The following CNTN6 variants were observed in gnomAD, a reference collection of about 807,000 sequenced individuals.
CNTN6 encodes contactin-6.
A neutral mutation model predicts 122.8 loss-of-function variants in CNTN6; 137 were observed. That is an observed-to-expected ratio of 1.12 (90% CI 0.97 to 1.29). The LOEUF is 1.29. CNTN6 is among the 50% of genes most tolerant of loss of function. CNTN6 has a pLI of 0.00. For synonymous variants in CNTN6, 570 were observed against 426.0 expected (o/e 1.34, Z -4.16); for missense variants, 1,634 against 1,223.4 (o/e 1.34, Z -5.01).
At chr3:1,248,692 C>T (rs963058706) in intron 4 of CNTN6, among the ~76,000 whole-genome samples, 4 of 151,792 alleles carry the variant, frequency 2.6e-5, no homozygotes, top group Admixed American at 6.6e-5. Flanking sequence ...TGGTGGTGGG[C>T]GCCTGTAATC....
At chr3:1,364,057 T>C (rs564717977) in intron 12 of CNTN6, among the ~76,000 whole-genome samples, 2 of 151,956 alleles carry the variant, frequency 1.3e-5, no homozygotes, top group Non-Finnish European at 2.9e-5. Context: ...TATGTCTTCT[T>C]TGGAAAACTG....
At chr3:1,368,572 G>C (rs984891729) in intron 12 of CNTN6, among the ~76,000 whole-genome samples, 1 of 152,092 alleles carries the variant, frequency 6.6e-6, no homozygotes, top group Non-Finnish European at 1.5e-5. Context: ...TTTGCCAGGA[G>C]TGACTGATGT....
chr3:1,098,069 A>C (rs9881396), intron 1 of CNTN6, among the ~76,000 whole-genome samples: 26,700 of 148,780 alleles, frequency 0.18, 4,945 homozygotes, highest in African/African-American at 0.47. Flanking sequence ...GCAATTGGAC[A>C]TGATCAAGAA....
intron 1 of CNTN6, among the ~76,000 whole-genome samples, chr3:1,114,477 T>C (rs974310727): frequency 6.6e-6 from 1 of 152,202 alleles, no homozygotes; most frequent in African/African-American, 2.4e-5. Context: ...CCAGCAGATA[T>C]TTAGCAGCTT....
chr3:1,181,909 C>G (rs908627897), intron 2 of CNTN6, among the ~76,000 whole-genome samples: 1 of 152,050 alleles, frequency 6.6e-6, no homozygotes, highest in Non-Finnish European at 1.5e-5. Flanking sequence ...TCCATACACT[C>G]CATCATAAAA....
intron 1 of CNTN6, among the ~76,000 whole-genome samples, chr3:1,114,815 A>G (rs1472502281): frequency 2.0e-5 from 3 of 152,196 alleles, no homozygotes; most frequent in African/African-American, 7.2e-5. Flanking sequence ...TTCATTTTCA[A>G]TGAAACATAG....
At chr3:1,242,465 G>A (rs552617091) in intron 4 of CNTN6, among the ~76,000 whole-genome samples, 195 of 152,282 alleles carry the variant, frequency 1.3e-3, no homozygotes, top group Non-Finnish European at 2.4e-3. Context: ...ATTGTAAGGA[G>A]AGTTTATAGG....
Position 1,111,839 on chromosome 3 carries a change from C to T in CNTN6, c.-83+18719C>T, listed in dbSNP as rs118002207. On this transcript the variant is annotated intron_variant, in intron 1 of 22. Coordinates refer to ENST00000446702, the MANE Select transcript of CNTN6 (RefSeq NM_001289080.2). ...TATTCCAAGTTTTGAAAAGTTGTGCCGTGCCCAGTGGTAGTATGCTTGTTG... is the reference window on the plus strand; with the variant it reads ...TATTCCAAGTTTTGAAAAGTTGTGCTGTGCCCAGTGGTAGTATGCTTGTTG... 6.3e-3 allele frequency among the ~76,000 whole-genome samples: 961 copies of T among 152,088 alleles called. 15 individuals are homozygous for T. The highest frequency in any genetic ancestry group is 0.042 in the East Asian group (217 of 5,170).
chr3:1,238,569 A>G (rs889954084), intron 4 of CNTN6, among the ~76,000 whole-genome samples: 3 of 152,202 alleles, frequency 2.0e-5, no homozygotes, highest in South Asian at 2.1e-4. Flanking sequence ...ATGGACTTAA[A>G]CTATATTCTA....
At chr3:1,345,245 T>A (rs532733534) in intron 11 of CNTN6, among the ~76,000 whole-genome samples, 79 of 151,918 alleles carry the variant, frequency 5.2e-4, no homozygotes, top group African/African-American at 1.9e-3. Flanking sequence ...GCCTCCTGAG[T>A]AGCTGAAATT....
intron 2 of CNTN6, among the ~76,000 whole-genome samples, chr3:1,171,799 G>C (rs1188318448): frequency 1.3e-5 from 2 of 152,076 alleles, no homozygotes; most frequent in African/African-American, 4.8e-5. Flanking sequence ...CAGAGACAGA[G>C]AGTCCCCATG....
intron 1 of CNTN6, among the ~76,000 whole-genome samples, chr3:1,128,943 TCTTCA>T (rs756036714): frequency 2.6e-5 from 4 of 152,162 alleles, no homozygotes; most frequent in South Asian, 4.1e-4. Flanking sequence ...TCTTCTCTAA[TCTTCA>T]CTTCAATATT....
intron 2 of CNTN6, among the ~76,000 whole-genome samples, chr3:1,177,532 C>T (rs1272535787): frequency 1.3e-5 from 2 of 152,222 alleles, no homozygotes; most frequent in East Asian, 3.9e-4. Flanking sequence ...CACCTTTTTT[C>T]TGCCTGAAGA....
chr3:1,191,517 C>T (rs529388333), intron 2 of CNTN6, among the ~76,000 whole-genome samples: 96 of 152,312 alleles, frequency 6.3e-4, no homozygotes, highest in African/African-American at 2.3e-3. Flanking sequence ...ATCTCCTGCA[C>T]ATAGGACCCT....
At chr3:1,379,345 C>T (rs1182173799) in intron 17 of CNTN6, among the ~76,000 whole-genome samples, 1 of 152,172 alleles carries the variant, frequency 6.6e-6, no homozygotes, top group Non-Finnish European at 1.5e-5. Context: ...CTTGCTGTTG[C>T]ATGAGACCAT....
chr3:1,226,342 T>G (rs183253461), intron 3 of CNTN6, among the ~76,000 whole-genome samples: 3 of 152,124 alleles, frequency 2.0e-5, no homozygotes. Context: ...GAAAAGATCA[T>G]TCACTTGTTT....
rs537525014 is a variant in CNTN6 at position 1,117,088 on chromosome 3, G to T, written c.-83+23968G>T. On this transcript the variant is annotated intron_variant, in intron 1 of 22. Transcript: ENST00000446702. ...GAGATATGGAGGTAAATGCCAGGGA[G>T]AATAACTGGAAAATAGAGTGGATGC... 3.9e-5 allele frequency among the ~76,000 whole-genome samples: 6 copies of T among 152,292 alleles called. No homozygotes were observed. In the East Asian group the frequency reaches 5.8e-4, roughly 15 times the overall value.
intron 11 of CNTN6, among the ~76,000 whole-genome samples, chr3:1,346,738 A>G (rs977236154): frequency 5.3e-5 from 8 of 152,134 alleles, no homozygotes; most frequent in Non-Finnish European, 8.8e-5. Flanking sequence ...GACACCGGAA[A>G]AACGAGGGTA....
intron 4 of CNTN6, among the ~76,000 whole-genome samples, chr3:1,244,969 G>A (rs1186531997): frequency 6.7e-6 from 1 of 150,070 alleles, no homozygotes; most frequent in Non-Finnish European, 1.5e-5. Context: ...CACAATGGTG[G>A]AATGTCATCA....
Sources: allele counts gnomAD v4.1 joint callset (sites outside exome capture counted in the v4.1 genomes callset), GRCh38; gene constraint gnomAD v4.1.1; transcripts MANE v1.5; gene names NCBI Gene and HGNC (gene_info 2026-07-23, HGNC 2026-07-21).